SPTBN2: variants seen among roughly 807,000 people sequenced by gnomAD.
SPTBN2 encodes the protein spectrin beta chain, non-erythrocytic 2.
Under a neutral mutation model 284.2 loss-of-function variants are expected in SPTBN2, and 107 were observed. The ratio of observed to expected loss-of-function variants is 0.38; its 90% CI spans 0.32 to 0.44. The LOEUF (loss-of-function observed/expected upper bound fraction) is 0.44. Ranked by LOEUF, SPTBN2 falls within the 20% of genes least tolerant of loss-of-function variation. The pLI, the probability that SPTBN2 is intolerant of heterozygous loss-of-function variation, is 1.00. For synonymous variants in SPTBN2, 1,289 were observed against 1,354.8 expected, an observed-to-expected ratio of 0.95 and a Z score of 1.07; for missense variants, 2,569 against 3,287.1, an observed-to-expected ratio of 0.78 and a Z score of 5.34.
At chr11:66,720,992 G>A (rs1942376803) in intron 3 of SPTBN2, 92 bp downstream of exon 3, 1 of 1,556,580 alleles carries the variant, frequency 6.4e-7, no homozygotes, top group Non-Finnish European at 8.8e-7. Flanking sequence ...AGAAAGAAAA[G>A]TCAGTCTTCC....
Position 66,705,308 on chromosome 11 carries a change from C to A in SPTBN2, c.1968G>T (p.Trp656Cys), listed in dbSNP as rs1941477236. Residue 656 changes from tryptophan (W) to cysteine (C), a missense_variant, in exon 15 of 38, where the codon TGG becomes TGT. Physicochemically the swap from Trp to Cys is radical, Grantham distance 215 (BLOSUM62 -2). This residue lies in a region of SPTBN2 where 1,012 missense variants were observed against 1,248.9 expected (regional missense o/e 0.81). Transcript: ENST00000533211. ...FLWEVGEAEA[W>C]VREQQHLLAS... ...CCAGGAGGTGCTGCTGCTCCCGCAC[C>A]CAGGCCTCAGCTTCACCCACCTCCC... 1 of 1,607,016 alleles carries A rather than the reference C, an allele frequency of 6.2e-7. No individual in the cohort carries two copies. The highest frequency in any genetic ancestry group is 1.7e-5 in the Admixed American group (1 of 59,898).
intron 1 of SPTBN2, among the ~76,000 whole-genome samples, chr11:66,738,449 G>A (rs1187918902): frequency 2.0e-5 from 3 of 152,166 alleles, no homozygotes; most frequent in South Asian, 2.1e-4. Flanking sequence ...AATGAAAGTT[G>A]GGGAAACAGA....
At chr11:66,712,118 G>A (rs1274575039) in intron 8 of SPTBN2, among the ~76,000 whole-genome samples, 4 of 152,222 alleles carry the variant, frequency 2.6e-5, no homozygotes, top group Admixed American at 2.0e-4. Context: ...TCCATCTGCC[G>A]GAGGACCTGG....
rs763350071 is a variant in SPTBN2 at position 66,707,533 on chromosome 11, A to G, written c.1636T>C (p.Trp546Arg). ...ACTGGTACCTTCATCTCTTCCATCC[A>G]GTCCATGAGGTAGAGCAGGTCCTGG... ...VFQDLLYLMD[W>R]MEEMKGRLQS... The change falls in exon 13 of 38, where the codon TGG (tryptophan) becomes CGG (arginine). Residue 546 changes from tryptophan (W) to arginine (R), a missense_variant. By Grantham distance (101) the Trp-to-Arg change is moderately radical (BLOSUM62 -3). Transcript: ENST00000533211. The surrounding 1 kb of genome is among the most constrained non-coding windows in gnomAD (Gnocchi z 4.9). The G allele has an allele frequency of 1.2e-6, 2 of 1,607,726 alleles. No homozygotes were observed. The highest frequency in any genetic ancestry group is 8.5e-7 in the Non-Finnish European group (1 of 1,177,690).
chr11:66,729,745 G>A (rs780467613), upstream of SPTBN2, among the ~76,000 whole-genome samples: 1 of 152,216 alleles, frequency 6.6e-6, no homozygotes, highest in South Asian at 2.1e-4. Context: ...CTTCTACCAC[G>A]AAACTGGAAC....
rs75384216 is a variant in SPTBN2, at chr11:66,704,361, C to T, written c.2678+237G>A. On this transcript the variant is annotated intron_variant, in intron 15 of 37. Coordinates refer to ENST00000533211, the MANE Select transcript of SPTBN2 (RefSeq NM_006946.4). ...ATTTGCTTTTTAAAAGGGCAGAGAACCAAATAGAGCAAGATGTTGGCAATG... is the reference window on the plus strand; with the variant it reads ...ATTTGCTTTTTAAAAGGGCAGAGAATCAAATAGAGCAAGATGTTGGCAATG... Among the ~76,000 whole-genome samples the T allele has an allele frequency of 7.0e-3, 1,063 of 152,234 alleles. 12 individuals carry two copies. Among genetic ancestry groups the T allele is most frequent in the African/African-American group, 0.024 (991 of 41,530 alleles).
At chr11:66,706,348 G>C (rs894535329) in intron 13 of SPTBN2, among the ~76,000 whole-genome samples, 1 of 152,110 alleles carries the variant, frequency 6.6e-6, no homozygotes, top group Non-Finnish European at 1.5e-5. Flanking sequence ...TATTTATTTT[G>C]AGATGGAGTC....
Position 66,705,049 on chromosome 11 carries a change from G to A in SPTBN2, c.2227C>T (p.Leu743=), listed in dbSNP as rs1396531131. 3 of 1,598,170 alleles carry A rather than the reference G, an allele frequency of 1.9e-6. No homozygotes were observed. Among genetic ancestry groups the A allele is most frequent in the Non-Finnish European group, 2.5e-6 (3 of 1,178,914 alleles). Residue 743 remains leucine (L), a synonymous_variant, in exon 15 of 38, where the codon CTG becomes TTG. Transcript: ENST00000533211. The part of the protein sequence containing the change: ...EALAEERAQR[L]AQAASLYQFQ... ...TGGTAGAGGCTGGCGGCTTGGGCCA[G>A]CCGCTGGGCACGCTCCTCGGCCAGG...
In SPTBN2 at chr11:66,700,671, A is replaced by T; in HGVS notation, c.3428T>A (p.Leu1143Gln). ...RDQADPQCLF[L>Q]RQRLEALGTG... is the part of the protein sequence containing the mutation. ...TCCCAGGGCCTCCAGTCGCTGTCGTAGGAAGAGGCACTGGGGGTCAGCCTG... is the reference window on the plus strand; with the variant it reads ...TCCCAGGGCCTCCAGTCGCTGTCGTTGGAAGAGGCACTGGGGGTCAGCCTG... The change falls in exon 17 of 38, where the codon CTA (leucine) becomes CAA (glutamine). Residue 1143 changes from leucine (L) to glutamine (Q), a missense_variant. This residue lies in a region of SPTBN2 where 1,012 missense variants were observed against 1,248.9 expected (regional missense o/e 0.81). Transcript: ENST00000533211. The surrounding 1 kb of genome is among the most constrained non-coding windows in gnomAD (Gnocchi z 6.6). 6.2e-7 allele frequency: 1 copy of T among 1,606,944 alleles called. No individual in the cohort carries two copies. Among genetic ancestry groups the T allele is most frequent in the Non-Finnish European group, 8.5e-7 (1 of 1,179,918 alleles).
Position 66,684,873 on chromosome 11 carries a change from G to A in SPTBN2, c.*998C>T, listed in dbSNP as rs949472785. 6.6e-6 allele frequency among the ~76,000 whole-genome samples: 1 copy of A among 152,134 alleles called. No homozygotes were observed. Among genetic ancestry groups the A allele is most frequent in the Non-Finnish European group, 1.5e-5 (1 of 68,016 alleles). On this transcript the variant is annotated 3_prime_UTR_variant, in exon 38 of 38. Coordinates refer to ENST00000533211, the MANE Select transcript of SPTBN2 (RefSeq NM_006946.4). Reference sequence around the variant, plus strand: ...TCCACCACTGGGCTGAGCAGTGGCTGAGACTGGCTGGGGCTGTAGCAATGC... The same window carrying A: ...TCCACCACTGGGCTGAGCAGTGGCTAAGACTGGCTGGGGCTGTAGCAATGC...
At position 66,687,990 on chromosome 11, in the gene SPTBN2, G is replaced by A; in HGVS notation, c.6450+14C>T. 1 of 1,614,200 alleles carries A rather than the reference G, an allele frequency of 6.2e-7. No homozygotes were observed. The highest frequency in any genetic ancestry group is 8.5e-7 in the Non-Finnish European group (1 of 1,180,006). ...TACGACTCCGATGGGGGCACAGAGG[G>A]ACAGTGGGGTCACCTGTGAGGGCTC... On this transcript the variant is annotated intron_variant, in intron 33 of 37. Coordinates refer to ENST00000533211, the MANE Select transcript of SPTBN2 (RefSeq NM_006946.4). The surrounding 1 kb of genome is among the most constrained non-coding windows in gnomAD (Gnocchi z 5.2).
At chr11:66,698,570 C>A (rs868713712) in intron 20 of SPTBN2, 69 bp downstream of exon 20, 12 of 1,610,804 alleles carry the variant, frequency 7.4e-6, no homozygotes, top group Non-Finnish European at 1.0e-5. Context: ...AAAACCACGT[C>A]CTGGAGCCAG....
Position 66,707,447 on chromosome 11 carries a change from GACGCACCC to G in SPTBN2, c.1653+61_1653+68del. On this transcript the variant is annotated intron_variant, in intron 13 of 37. Transcript: ENST00000533211. The surrounding 1 kb of genome is among the most constrained non-coding windows in gnomAD (Gnocchi z 4.9). ...CAGAGATCGGCCGAGCAGACGGGCG[GACGCACCC>G]ACTGTGGGGCCCCCTCGACTCTTGA... 1 of 1,502,022 alleles carries G rather than the reference GACGCACCC, an allele frequency of 6.7e-7. No homozygotes were observed. Among genetic ancestry groups the G allele is most frequent in the Non-Finnish European group, 9.0e-7 (1 of 1,109,826 alleles). The allele number at this position is 1,502,022 out of a possible 1,614,324, so 93.0% of individuals were successfully genotyped here. A position where few individuals can be genotyped will look rare whatever the true frequency, so the allele number is the denominator to read the frequency against.
At chr11:66,743,473 C>T (rs571555005) in intron 1 of SPTBN2, among the ~76,000 whole-genome samples, 9 of 152,252 alleles carry the variant, frequency 5.9e-5, no homozygotes, top group Non-Finnish European at 1.2e-4. Flanking sequence ...CAGCCAACAC[C>T]CTGTCCCACC....
chr11:66,702,791 A>T (rs1448282783), intron 15 of SPTBN2, among the ~76,000 whole-genome samples: 1 of 151,604 alleles, frequency 6.6e-6, no homozygotes, highest in African/African-American at 2.4e-5. Context: ...ACAAAAAATT[A>T]GCCAGGTGTG....
intron 1 of SPTBN2, among the ~76,000 whole-genome samples, chr11:66,734,813 G>A (rs1224662595): frequency 6.6e-6 from 1 of 152,180 alleles, no homozygotes; most frequent in Non-Finnish European, 1.5e-5. Flanking sequence ...GAGAGAAGAG[G>A]AGTCCTTATT....
intron 1 of SPTBN2, chr11:66,727,898 C>T (rs1222778330): frequency 6.6e-6 from 1 of 150,616 alleles, no homozygotes; most frequent in Non-Finnish European, 1.5e-5. Context: ...GTCCGTCAGC[C>T]CTAACTGTTC....
At chr11:66,720,422 G>T (rs569191460) in intron 3 of SPTBN2, among the ~76,000 whole-genome samples, 1 of 152,298 alleles carries the variant, frequency 6.6e-6, no homozygotes, top group South Asian at 2.1e-4. Context: ...TTGTTGCCAT[G>T]ACAACTCCTC....
chr11:66,743,587 C>T (rs1942919643), intron 1 of SPTBN2, among the ~76,000 whole-genome samples: 1 of 152,172 alleles, frequency 6.6e-6, no homozygotes, highest in Admixed American at 6.5e-5. Flanking sequence ...GTCACCATGC[C>T]CCTCCCGGAA....
Sources: gnomAD v4.1 joint callset for allele counts (sites outside exome capture counted in the v4.1 genomes callset) on GRCh38, gnomAD v4.1.1 for gene constraint, gnomAD v4.1.1 regional missense constraint, Gnocchi (gnomAD v3.1) non-coding constraint, MANE v1.5 for transcripts, NCBI Gene and HGNC (gene_info 2026-07-23, HGNC 2026-07-21) for gene names.